GPR137: variants seen among roughly 807,000 people sequenced by gnomAD.
GPR137 encodes G protein-coupled receptor 137.
In GPR137, 20 loss-of-function variants were observed where a neutral mutation model predicts 38.9. The ratio of observed to expected loss-of-function variants is 0.51; its 90% CI spans 0.36 to 0.75. GPR137 has a LOEUF of 0.75. Among genes scored for constraint, GPR137 ranks in the 30% least tolerant of loss-of-function variants. GPR137 has a pLI of 0.00. For missense variants in GPR137, 456 were observed against 526.4 expected (o/e 0.87, Z 1.31); for synonymous variants, 226 against 235.8 (o/e 0.96, Z 0.38).
At chr11:64,287,417 C>G (rs909923856) in intron 2 of GPR137, 7 of 740,320 alleles carry the variant, frequency 9.5e-6, no homozygotes, top group Non-Finnish European at 1.2e-5. Context: ...TGAGAGGCTA[C>G]TATCCTCCCT....
chr11:64,280,050 G>T (rs2033338954), upstream of GPR137, among the ~76,000 whole-genome samples: 1 of 151,846 alleles, frequency 6.6e-6, no homozygotes, highest in Non-Finnish European at 1.5e-5. Context: ...AGGCGCGGTG[G>T]CTCACGCCTG....
upstream of GPR137, among the ~76,000 whole-genome samples, chr11:64,283,217 G>GT (rs1332918431): frequency 6.6e-6 from 1 of 152,220 alleles, no homozygotes; most frequent in Admixed American, 6.5e-5. Context: ...CAGTGCCAGA[G>GT]TGACATGACC....
chr11:64,286,778 C>T lies in GPR137; in HGVS notation c.254C>T (p.Pro85Leu), dbSNP rs1410441664. 6.2e-7 allele frequency: 1 copy of T among 1,610,238 alleles called. No individual in the cohort carries two copies. Among genetic ancestry groups the T allele is most frequent in the Non-Finnish European group, 8.5e-7 (1 of 1,177,590 alleles). Residue 85 changes from proline to leucine, a missense_variant, in exon 1 of 7, where the codon CCC (proline) becomes CTC (leucine). By Grantham distance (98) the Pro-to-Leu change is moderately conservative. Transcript: ENST00000438980. ...TTCTCCTTCTACTTCCGAGATACTCCCCGCGCCAACCGCCTGGGGCCCTTG... is the reference window on the plus strand; with the variant it reads ...TTCTCCTTCTACTTCCGAGATACTCTCCGCGCCAACCGCCTGGGGCCCTTG... ...TLFSFYFRDT[P>L]RANRLGPLPF...
chr11:64,281,607 G>T (rs2033476267), upstream of GPR137, among the ~76,000 whole-genome samples: 1 of 152,134 alleles, frequency 6.6e-6, no homozygotes, highest in South Asian at 2.1e-4. Context: ...CCTTCTCTCT[G>T]CCTGGAACTC....
upstream of GPR137, chr11:64,284,799 C>G (rs1346180494): frequency 6.5e-7 from 1 of 1,529,540 alleles, no homozygotes; most frequent in Admixed American, 2.0e-5. Context: ...GGCCCGGCCC[C>G]GCCCCCCCGC....
chr11:64,285,697 C>T (rs535779047), upstream of GPR137: 248 of 985,288 alleles, frequency 2.5e-4, 6 homozygotes, highest in South Asian at 0.011. Flanking sequence ...CTGCCGCCTC[C>T]CGTAACCCCG....
chr11:64,286,677 T>C lies in GPR137; in HGVS notation c.153T>C (p.Tyr51=), dbSNP rs1367661718. The C allele has an allele frequency of 1.4e-5, 22 of 1,613,720 alleles. No homozygotes were observed. The East Asian group carries it at 4.9e-4, about 36-fold the overall frequency. The stretch of plus-strand genomic sequence containing the variant: ...CCCAGCTCTGGCTGGTGCTTCTGTA[T>C]GGGCACAAGCGTCTCAGCTATCAGA... ...VYAQLWLVLL[Y]GHKRLSYQTV... Residue 51 remains tyrosine (Y), a synonymous_variant, in exon 1 of 7, where the codon TAT becomes TAC. Transcript: ENST00000438980.
chr11:64,271,573 T>C, upstream of GPR137: 1 of 1,372,194 alleles, frequency 7.3e-7, no homozygotes, highest in Admixed American at 3.4e-5. Context: ...GGGGGCGGCC[T>C]GGTACTTCAG....
chr11:64,287,943 C>A lies in GPR137; in HGVS notation c.630C>A (p.Ala210=). The change falls in exon 3 of 7, where the codon GCC becomes GCA. Residue 210 remains alanine (A), a synonymous_variant. Transcript: ENST00000438980. ...RAPSTSIYLE[A]KGTSVCQAAA... ...CCTCCACTAGCATCTACCTGGAGGC[C>A]AAGGTAGGGCTGCAGCACTGATGCC... is the stretch of plus-strand genomic sequence containing the variant. 6.2e-7 allele frequency: 1 copy of A among 1,601,348 alleles called. No homozygotes were observed. Among genetic ancestry groups the A allele is most frequent in the Non-Finnish European group, 8.5e-7 (1 of 1,179,892 alleles).
At position 64,288,342 on chromosome 11, in the gene GPR137, G is replaced by A. The variant is rs369261653; in HGVS notation, c.786G>A (p.Ala262=). 91 of 1,613,658 alleles carry A rather than the reference G, an allele frequency of 5.6e-5. No homozygotes were observed. The highest frequency in any genetic ancestry group is 6.5e-5 in the Non-Finnish European group (77 of 1,180,002). ...CACCAGCCCCTGCCTTCCCACAGGC[G>A]GACCTGGTGAATGACCTGGGGAACA... is the stretch of plus-strand genomic sequence containing the variant. ...DYDWYNVSDQ[A]DLVNDLGNKG... The change falls in exon 5 of 7, where the codon GCG becomes GCA. Residue 262 remains alanine, a splice_region_variant and synonymous_variant. Transcript: ENST00000438980. The surrounding 1 kb of genome is among the most constrained non-coding windows in gnomAD (Gnocchi z 5.5).
Position 64,288,322 on chromosome 11 carries a change from G to A in GPR137, c.784-18G>A. On this transcript the variant is annotated intron_variant, in intron 4 of 6. Transcript: ENST00000438980. This position sits in a 1 kb window ranked among gnomAD's most constrained non-coding sequence, Gnocchi z 5.5. ...TTGGCGTGACTGCAGACTGGCACCA[G>A]CCCCTGCCTTCCCACAGGCGGACCT... 1 of 1,613,558 alleles carries A rather than the reference G, an allele frequency of 6.2e-7. No homozygotes were observed. Among genetic ancestry groups the A allele is most frequent in the Non-Finnish European group, 8.5e-7 (1 of 1,179,998 alleles).
chr11:64,283,298 C>A (rs1405703939), upstream of GPR137, among the ~76,000 whole-genome samples: 1 of 152,154 alleles, frequency 6.6e-6, no homozygotes. Flanking sequence ...GGGCTCAAGC[C>A]AGCCTCCTGA....
chr11:64,289,319 C>G lies in GPR137; in HGVS notation c.*123C>G. 6.2e-7 allele frequency: 1 copy of G among 1,610,026 alleles called. No individual in the cohort carries two copies. Among genetic ancestry groups the G allele is most frequent in the Non-Finnish European group, 8.5e-7 (1 of 1,178,024 alleles). On this transcript the variant is annotated 3_prime_UTR_variant, in exon 7 of 7. Transcript: ENST00000438980. ...GGTCGTGGCTACCCCCTCCTCTGGC[C>G]GGCTCCTTGCTGCTCCTGTCATAGT... is the stretch of plus-strand genomic sequence containing the variant.
chr11:64,284,845 C>T, upstream of GPR137: 1 of 1,505,950 alleles, frequency 6.6e-7, no homozygotes, highest in East Asian at 2.5e-5. Context: ...CCTTTTTCCT[C>T]CCTCCTTCGG....
At chr11:64,285,391 C>A, upstream of GPR137, 2 of 985,030 alleles carry the variant, frequency 2.0e-6, no homozygotes, top group Non-Finnish European at 2.4e-6. Flanking sequence ...GTGAGCAGGG[C>A]CGCGGGCGCG....
At position 64,287,900 on chromosome 11, in the gene GPR137, T is replaced by G. The variant is rs1565361121; in HGVS notation, c.587T>G (p.Leu196Arg). 3.7e-6 allele frequency: 6 copies of G among 1,602,820 alleles called. No homozygotes were observed. Among genetic ancestry groups the G allele is most frequent in the Non-Finnish European group, 5.1e-6 (6 of 1,179,938 alleles). ...CALSLAACLC[L>R]VARRAPSTSI... Reference sequence around the variant, plus strand: ...CTGTCTCTTGCTGCCTGCCTCTGCCTCGTCGCCAGGCGGGCGCCCTCCACT... The same window carrying G: ...CTGTCTCTTGCTGCCTGCCTCTGCCGCGTCGCCAGGCGGGCGCCCTCCACT... The change falls in exon 3 of 7, where the codon CTC (leucine) becomes CGC (arginine). Residue 196 changes from leucine to arginine, a missense_variant. Coordinates refer to ENST00000438980, the MANE Select transcript of GPR137 (RefSeq NM_001170880.2).
In GPR137 at chr11:64,288,370, G is replaced by A. The variant is rs373363759; in HGVS notation, c.814G>A (p.Gly272Ser). The A allele has an allele frequency of 1.1e-5, 18 of 1,613,796 alleles. No individual in the cohort carries two copies. The highest frequency in any genetic ancestry group is 4.0e-5 in the African/African-American group (3 of 74,930). The change falls in exon 5 of 7, where the codon GGC (glycine) becomes AGC (serine). Residue 272 changes from glycine to serine, a missense_variant. By Grantham distance (56) the Gly-to-Ser change is moderately conservative. Transcript: ENST00000438980. This position sits in a 1 kb window ranked among gnomAD's most constrained non-coding sequence, Gnocchi z 5.5. Reference sequence around the variant, plus strand: ...CCTGGTGAATGACCTGGGGAACAAAGGCTACCTGGTATTTGGCCTCATCCT... The same window carrying A: ...CCTGGTGAATGACCTGGGGAACAAAAGCTACCTGGTATTTGGCCTCATCCT... ...ADLVNDLGNK[G>S]YLVFGLILFV...
In GPR137 at chr11:64,287,804, G is replaced by A; in HGVS notation, c.491G>A (p.Arg164His). 4 of 1,607,036 alleles carry A rather than the reference G, an allele frequency of 2.5e-6. No individual in the cohort carries two copies. Among genetic ancestry groups the A allele is most frequent in the Non-Finnish European group, 3.4e-6 (4 of 1,179,904 alleles). Residue 164 changes from arginine to histidine, a missense_variant, in exon 3 of 7, where the codon CGC becomes CAC. Transcript: ENST00000438980. ...NVLCAVLSHR[R>H]RAQPWALLLV... ...CTGTGTGCTGTGCTCTCCCATCGGC[G>A]CCGGGCACAGCCCTGGGCCCTGCTG...
upstream of GPR137, chr11:64,271,725 T>G: frequency 3.5e-6 from 5 of 1,443,242 alleles, no homozygotes; most frequent in Non-Finnish European, 4.6e-6. Flanking sequence ...GGGGCTGGGC[T>G]CCTCCCCCAT....
Sources: allele counts gnomAD v4.1 joint callset (sites outside exome capture counted in the v4.1 genomes callset), GRCh38; gene constraint gnomAD v4.1.1; non-coding constraint Gnocchi (gnomAD v3.1); transcripts MANE v1.5; gene names NCBI Gene and HGNC (gene_info 2026-07-23, HGNC 2026-07-21).